The following CSMD1 variants were observed in gnomAD, a reference collection of about 807,000 sequenced individuals.
CSMD1 encodes the protein CUB and sushi domain-containing protein 1.
In CSMD1, 213 loss-of-function variants were observed where a neutral mutation model predicts 417.5. The ratio of observed to expected loss-of-function variants is 0.51; its 90% CI spans 0.46 to 0.57. CSMD1 has a LOEUF of 0.57. CSMD1 is among the 20% of genes least tolerant of loss of function. The pLI, the probability that CSMD1 is intolerant of heterozygous loss-of-function variation, is 0.00. For missense variants in CSMD1, 6,923 were observed against 4,529.7 expected (o/e 1.53, Z -15.17); for synonymous variants, 2,862 against 1,736.8 (o/e 1.65, Z -16.11).
intron 5 of CSMD1, among the ~76,000 whole-genome samples, chr8:3,810,030 A>T (rs1053567880): frequency 6.6e-6 from 1 of 152,174 alleles, no homozygotes; most frequent in African/African-American, 2.4e-5. Context: ...AATTGCTGCC[A>T]TGTCTGTAGT....
intron 10 of CSMD1, among the ~76,000 whole-genome samples, chr8:3,539,750 CCTTT>C (rs1327700909): frequency 2.2e-5 from 3 of 136,292 alleles, no homozygotes; most frequent in African/African-American, 8.4e-5. Context: ...AATCTCTAGC[CCTTT>C]CTTTATGATA....
chr8:3,500,277 G>A (rs1175042459), intron 10 of CSMD1, among the ~76,000 whole-genome samples: 1 of 152,148 alleles, frequency 6.6e-6, no homozygotes, highest in Non-Finnish European at 1.5e-5. Context: ...TGTGAAGGAG[G>A]AAAGTGCTGG....
intron 48 of CSMD1, among the ~76,000 whole-genome samples, chr8:3,089,792 T>C (rs11779515): frequency 0.12 from 18,574 of 152,166 alleles, 1,478 homozygotes; most frequent in Non-Finnish European, 0.18. Context: ...AAATTGTGTA[T>C]TCTTCTTCTC....
intron 4 of CSMD1, among the ~76,000 whole-genome samples, chr8:4,015,829 G>C (rs565632427): frequency 2.6e-5 from 4 of 152,106 alleles, no homozygotes; most frequent in African/African-American, 7.2e-5. Context: ...AGCAAGCGGC[G>C]TAACTTCCCA....
At position 3,785,594 on chromosome 8, in the gene CSMD1, T is replaced by C. The variant is rs190938481; in HGVS notation, c.819-31552A>G. 3.3e-5 allele frequency among the ~76,000 whole-genome samples: 5 copies of C among 152,314 alleles called. No homozygotes were observed. The East Asian group carries it at 9.7e-4, about 29-fold the overall frequency. ...TGCTAAGAACACTTAATTGGATCAT[T>C]TGATCTCATTTATAAGATGTTAGAA... On this transcript the variant is annotated intron_variant, in intron 5 of 69. Coordinates refer to ENST00000635120, the MANE Select transcript of CSMD1 (RefSeq NM_033225.6).
intron 5 of CSMD1, among the ~76,000 whole-genome samples, chr8:3,988,606 G>A (rs1287072915): frequency 6.6e-6 from 1 of 152,178 alleles, no homozygotes; most frequent in Admixed American, 6.5e-5. Flanking sequence ...CTGTGCACAT[G>A]ACAGCTGGAG....
At chr8:4,087,341 C>T (rs1033992304) in intron 3 of CSMD1, among the ~76,000 whole-genome samples, 1 of 152,194 alleles carries the variant, frequency 6.6e-6, no homozygotes, top group African/African-American at 2.4e-5. Context: ...CCCAGGGAAC[C>T]ACTTGCAAGT....
intron 2 of CSMD1, among the ~76,000 whole-genome samples, chr8:4,568,836 C>G (rs956666094): frequency 6.6e-6 from 1 of 152,138 alleles, no homozygotes; most frequent in African/African-American, 2.4e-5. Context: ...GATGGTATCT[C>G]ATAGTGGTTT....
At chr8:4,813,387 C>A (rs1799017367) in intron 1 of CSMD1, among the ~76,000 whole-genome samples, 1 of 152,036 alleles carries the variant, frequency 6.6e-6, no homozygotes, top group African/African-American at 2.4e-5. Context: ...CCACCAAGCC[C>A]ATCTTAAAAC....
intron 2 of CSMD1, among the ~76,000 whole-genome samples, chr8:4,463,828 T>G (rs1529582): frequency 0.17 from 26,057 of 152,054 alleles, 2,656 homozygotes; most frequent in South Asian, 0.29. Context: ...TGGTGATGAA[T>G]GCATAACCCC....
intron 2 of CSMD1, among the ~76,000 whole-genome samples, chr8:4,542,927 G>A (rs1381256228): frequency 6.6e-6 from 1 of 151,956 alleles, no homozygotes; most frequent in African/African-American, 2.4e-5. Flanking sequence ...TTTCTTCAGG[G>A]CACCTGCCTC....
At chr8:4,925,058 G>A (rs921536870) in intron 1 of CSMD1, among the ~76,000 whole-genome samples, 5 of 152,050 alleles carry the variant, frequency 3.3e-5, no homozygotes, top group Non-Finnish European at 7.4e-5. Context: ...ACCTTAAATA[G>A]TTTGGGTTGT....
In CSMD1 at chr8:3,007,044, C is replaced by T. The variant is rs1410719894; in HGVS notation, c.8030-6913G>A. Among the ~76,000 whole-genome samples, 1,252 of 146,114 alleles carry T rather than the reference C, an allele frequency of 8.6e-3. 15 individuals are homozygous for T. Among genetic ancestry groups the T allele is most frequent in the South Asian group, 0.014 (66 of 4,768 alleles). ...ACTCATCTGACAAAGGGCTAATATC[C>T]AGAATCTACAATGAACTCAAACAAA... On this transcript the variant is annotated intron_variant, in intron 52 of 69. Transcript: ENST00000635120.
rs576271263 is a variant in CSMD1, at chr8:4,135,412, G to A, written c.416-103313C>T. 4.8e-5 allele frequency among the ~76,000 whole-genome samples: 5 copies of A among 103,940 alleles called. No individual in the cohort carries two copies. In the East Asian group the frequency reaches 1.5e-3, roughly 31 times the overall value. The allele number at this position is 103,940 out of a possible 152,430, so 68.2% of individuals were successfully genotyped here. A position where few individuals can be genotyped will look rare whatever the true frequency, so the allele number is the denominator to read the frequency against. On this transcript the variant is annotated intron_variant, in intron 3 of 69. Transcript: ENST00000635120. ...GGAAGGAAGGGGAAAGAGGGAAAGA[G>A]GGGGAAGGAAGGGGAAGGAGGGAAG...
At chr8:3,359,944 A>T (rs554877108) in intron 20 of CSMD1, among the ~76,000 whole-genome samples, 26 of 152,310 alleles carry the variant, frequency 1.7e-4, no homozygotes, top group Non-Finnish European at 3.4e-4. Flanking sequence ...CAAAACTGTC[A>T]GCTTGAGAGT....
intron 30 of CSMD1, among the ~76,000 whole-genome samples, chr8:3,210,454 C>CTA (rs146469579): frequency 0.047 from 3,057 of 65,630 alleles, 120 homozygotes; most frequent in African/African-American, 0.18. Flanking sequence ...TATATATGAC[C>CTA]TATATATATA....
intron 3 of CSMD1, among the ~76,000 whole-genome samples, chr8:4,106,058 G>A (rs1408474629): frequency 2.6e-5 from 4 of 152,216 alleles, no homozygotes; most frequent in Non-Finnish European, 4.4e-5. Flanking sequence ...TTTTAGGGGT[G>A]CCAGGCAGGA....
intron 36 of CSMD1, among the ~76,000 whole-genome samples, chr8:3,182,813 G>GC: frequency 1.4e-5 from 1 of 73,694 alleles, no homozygotes; most frequent in Admixed American, 1.9e-4. Flanking sequence ...GATGGTCTCG[G>GC]GGGACTCTGG....
At chr8:4,346,782 C>T (rs567438859) in intron 3 of CSMD1, among the ~76,000 whole-genome samples, 1 of 152,176 alleles carries the variant, frequency 6.6e-6, no homozygotes, top group African/African-American at 2.4e-5. Context: ...GGAGACAAGT[C>T]AGTGGTAAGC....
Sources: allele counts gnomAD v4.1 joint callset (sites outside exome capture counted in the v4.1 genomes callset), GRCh38; gene constraint gnomAD v4.1.1; transcripts MANE v1.5; gene names NCBI Gene and HGNC (gene_info 2026-07-23, HGNC 2026-07-21).